The following FAT3 variants were observed in gnomAD, a reference collection of about 807,000 sequenced individuals.
The protein encoded by FAT3 is FAT atypical cadherin 3, also known as protocadherin Fat 3.
In FAT3, 95 loss-of-function variants were observed where a neutral mutation model predicts 310.2. The ratio of observed to expected loss-of-function variants is 0.31; its 90% CI spans 0.26 to 0.36. The LOEUF (loss-of-function observed/expected upper bound fraction) is 0.36, where lower values mean the gene tolerates loss of function less well. Among genes scored for constraint, FAT3 ranks in the 10% least tolerant of loss-of-function variants. The probability of loss-of-function intolerance (pLI) is 1.00; values close to 1 mark genes in which losing one functional copy is unlikely to be tolerated. For missense variants in FAT3, 5,408 were observed against 5,715.6 expected (o/e 0.95, Z 1.74); for synonymous variants, 2,314 against 2,192.9 (o/e 1.06, Z -1.54).
At chr11:92,649,877 A>ATATG (rs1565486238) in intron 3 of FAT3, among the ~76,000 whole-genome samples, 1 of 24,106 alleles carries the variant, frequency 4.1e-5, no homozygotes, top group Non-Finnish European at 9.7e-5. Flanking sequence ...GTATGTTCAT[A>ATATG]TATATATATA....
At chr11:92,818,470 C>G (rs1032048240) in intron 13 of FAT3, among the ~76,000 whole-genome samples, 3 of 151,348 alleles carry the variant, frequency 2.0e-5, no homozygotes, top group Admixed American at 1.3e-4. Flanking sequence ...TGCCATTTCT[C>G]CCTTTTAGGA....
intron 3 of FAT3, among the ~76,000 whole-genome samples, chr11:92,602,066 T>C (rs1296674569): frequency 6.6e-6 from 1 of 150,736 alleles, no homozygotes; most frequent in Non-Finnish European, 1.5e-5. Flanking sequence ...TTACGTGTAT[T>C]ACCTTAATTA....
intron 3 of FAT3, among the ~76,000 whole-genome samples, chr11:92,683,938 G>C (rs986001009): frequency 6.6e-6 from 1 of 152,210 alleles, no homozygotes; most frequent in Non-Finnish European, 1.5e-5. Flanking sequence ...TTGAGTGGAT[G>C]CTAAACCCGG....
chr11:92,477,133 G>T (rs970196501), intron 2 of FAT3, among the ~76,000 whole-genome samples: 24 of 152,114 alleles, frequency 1.6e-4, no homozygotes, highest in African/African-American at 5.8e-4. Context: ...ATGGTCTTTT[G>T]TTTATTATTT....
At chr11:92,775,468 TA>T (rs1323732684) in intron 7 of FAT3, among the ~76,000 whole-genome samples, 1 of 152,100 alleles carries the variant, frequency 6.6e-6, no homozygotes, top group Non-Finnish European at 1.5e-5. Flanking sequence ...ACTGAAACCT[TA>T]GAAAGGGGAA....
At chr11:92,662,705 C>G (rs570229689) in intron 3 of FAT3, among the ~76,000 whole-genome samples, 1 of 152,168 alleles carries the variant, frequency 6.6e-6, no homozygotes, top group East Asian at 1.9e-4. Flanking sequence ...GTAGAGAAGC[C>G]GGATGAACAC....
intron 3 of FAT3, among the ~76,000 whole-genome samples, chr11:92,624,441 T>A (rs1186954610): frequency 6.6e-6 from 1 of 152,098 alleles, no homozygotes. Context: ...CTAAGGACAC[T>A]TTTCTCTACT....
At chr11:92,619,000 G>A (rs1940955488) in intron 3 of FAT3, among the ~76,000 whole-genome samples, 1 of 152,078 alleles carries the variant, frequency 6.6e-6, no homozygotes, top group Non-Finnish European at 1.5e-5. Context: ...CCTTTTTCAA[G>A]TTGAGAAAGT....
intron 2 of FAT3, among the ~76,000 whole-genome samples, chr11:92,372,978 A>G (rs1028201999): frequency 2.0e-5 from 3 of 152,056 alleles, no homozygotes; most frequent in Non-Finnish European, 4.4e-5. Context: ...ATTTTTTAAA[A>G]ATTACCCATC....
intron 2 of FAT3, among the ~76,000 whole-genome samples, chr11:92,501,009 A>C (rs1013538166): frequency 3.3e-5 from 5 of 152,058 alleles, no homozygotes; most frequent in African/African-American, 1.2e-4. Flanking sequence ...TTTCCCCCTT[A>C]CATTCCCTAT....
intron 3 of FAT3, among the ~76,000 whole-genome samples, chr11:92,552,783 GAAA>G: frequency 6.8e-6 from 1 of 148,008 alleles, no homozygotes; most frequent in Non-Finnish European, 1.5e-5. Context: ...ACAGTAAAAA[GAAA>G]AAAAAAAAGA....
chr11:92,394,797 A>G (rs1206406250), intron 2 of FAT3, among the ~76,000 whole-genome samples: 1 of 152,242 alleles, frequency 6.6e-6, no homozygotes, highest in East Asian at 1.9e-4. Flanking sequence ...GTTATTATAG[A>G]TGCCATAGAA....
rs200032318 is a variant in FAT3 at position 92,844,186 on chromosome 11, G to A, written c.10819G>A (p.Ala3607Thr). 3.9e-3 allele frequency: 6,227 copies of A among 1,613,978 alleles called. 13 individuals are homozygous for A. The highest frequency in any genetic ancestry group is 4.9e-3 in the Non-Finnish European group (5,753 of 1,179,892). ...GAACAGTCACGATGGGAAAATCATC[G>A]CCCTGGGAGGCCTGGACAGCGGCAA... ...KVNSHDGKIIALGGLDSGKYV... is the reference protein window; with the variant it reads ...KVNSHDGKIITLGGLDSGKYV... The change falls in exon 19 of 28, where the codon GCC becomes ACC. Residue 3607 changes from alanine (A) to threonine (T), a missense_variant. Transcript: ENST00000525166.
At position 92,436,506 on chromosome 11, in the gene FAT3, G is replaced by A. The variant is rs74820546; in HGVS notation, c.3292+81102G>A. ...CTACAGATCCCTTTGTTAAGGGACA[G>A]GTTTCTACCCTGTAGACTTCAGACA... On this transcript the variant is annotated intron_variant, in intron 2 of 27. Transcript: ENST00000525166. 6.3e-3 allele frequency among the ~76,000 whole-genome samples: 965 copies of A among 152,218 alleles called. 9 individuals carry two copies. The highest frequency in any genetic ancestry group is 0.022 in the African/African-American group (927 of 41,530).
intron 8 of FAT3, 130 bp from the exon 9 acceptor site, chr11:92,792,637 A>T: frequency 1.3e-6 from 1 of 781,968 alleles, no homozygotes; most frequent in Non-Finnish European, 2.1e-6. Flanking sequence ...CTGAGCACCT[A>T]CTAGAAGCCT....
At chr11:92,300,351 C>T (rs1490214641) in intron 1 of FAT3, among the ~76,000 whole-genome samples, 1 of 152,024 alleles carries the variant, frequency 6.6e-6, no homozygotes, top group Non-Finnish European at 1.5e-5. Context: ...TTTGGGTGTG[C>T]ATTTATCATG....
At chr11:92,786,075 G>A (rs1363216520) in intron 7 of FAT3, among the ~76,000 whole-genome samples, 1 of 152,154 alleles carries the variant, frequency 6.6e-6, no homozygotes, top group Non-Finnish European at 1.5e-5. Context: ...TCAGTGGGAA[G>A]TGATGGTCTT....
intron 2 of FAT3, among the ~76,000 whole-genome samples, chr11:92,412,754 T>TATATATATATATATATACAC (rs1565296585): frequency 3.2e-5 from 3 of 94,922 alleles, no homozygotes; most frequent in African/African-American, 1.2e-4. Context: ...TAAATATACA[T>TATATATATATATATATACAC]ACATATATAT....
At chr11:92,405,800 A>G (rs1448769429) in intron 2 of FAT3, among the ~76,000 whole-genome samples, 1 of 152,206 alleles carries the variant, frequency 6.6e-6, no homozygotes, top group African/African-American at 2.4e-5. Context: ...GAGGACTTTT[A>G]GAAAAATATG....
Sources: gnomAD v4.1 joint callset for allele counts (sites outside exome capture counted in the v4.1 genomes callset) on GRCh38, gnomAD v4.1.1 for gene constraint, MANE v1.5 for transcripts, NCBI Gene and HGNC (gene_info 2026-07-23, HGNC 2026-07-21) for gene names.